Variants in NALF1 observed in about 807,000 individuals in gnomAD.
NALF1 encodes family with sequence similarity 155 member A.
A neutral mutation model predicts 48.4 loss-of-function variants in NALF1; 3 were observed. That is an observed-to-expected ratio of 0.06 (90% CI 0.03 to 0.16). The LOEUF is 0.16. Among genes scored for constraint, NALF1 ranks in the 10% least tolerant of loss-of-function variants. NALF1 has a pLI of 1.00. For missense variants in NALF1, 526 were observed against 571.5 expected (o/e 0.92, Z 0.81); for synonymous variants, 262 against 245.7 (o/e 1.07, Z -0.62).
intron 1 of NALF1, among the ~76,000 whole-genome samples, chr13:107,544,933 C>T (rs1407758953): frequency 6.6e-6 from 1 of 152,176 alleles, no homozygotes; most frequent in African/African-American, 2.4e-5. Flanking sequence ...AGGCTCATGA[C>T]TGTGCGACAA....
At chr13:107,862,491 A>G (rs1214394870) in intron 1 of NALF1, among the ~76,000 whole-genome samples, 1 of 152,134 alleles carries the variant, frequency 6.6e-6, no homozygotes, top group Non-Finnish European at 1.5e-5. Context: ...TGTAGTATTT[A>G]CTACTCAATT....
intron 1 of NALF1, among the ~76,000 whole-genome samples, chr13:107,264,035 A>G (rs200623204): frequency 6.6e-6 from 1 of 152,220 alleles, no homozygotes; most frequent in East Asian, 1.9e-4. Context: ...TACATCTGGT[A>G]GATTCAGATA....
intron 1 of NALF1, among the ~76,000 whole-genome samples, chr13:107,352,707 A>G (rs1242316351): frequency 6.6e-6 from 1 of 152,188 alleles, no homozygotes; most frequent in Non-Finnish European, 1.5e-5. Flanking sequence ...TTGGAAAGCA[A>G]TACCTCAAAC....
At chr13:107,410,467 T>C (rs1338715920) in intron 1 of NALF1, among the ~76,000 whole-genome samples, 1 of 152,198 alleles carries the variant, frequency 6.6e-6, no homozygotes, top group African/African-American at 2.4e-5. Flanking sequence ...AACATTCCTA[T>C]GTGGTTATTT....
chr13:107,265,557 T>C (rs1881021997), intron 1 of NALF1, among the ~76,000 whole-genome samples: 1 of 151,978 alleles, frequency 6.6e-6, no homozygotes, highest in Non-Finnish European at 1.5e-5. Flanking sequence ...CAGGCATGCA[T>C]CACCACACTT....
Position 107,865,970 on chromosome 13 carries a change from G to C in NALF1, c.627C>G (p.Ser209Arg), listed in dbSNP as rs927072956. ...AGTTCCAGAGCGGAGTGGGATGCTT[G>C]CTCCTCACCTCCTGCCCGTCCCCCC... is the stretch of plus-strand genomic sequence containing the variant. ...AAGGDGQEVRSKHPTPLWNLS... is the reference protein window; with the variant it reads ...AAGGDGQEVRRKHPTPLWNLS... The change falls in exon 1 of 3, where the codon AGC becomes AGG. Residue 209 changes from serine (S) to arginine (R), a missense_variant. By Grantham distance (110) the Ser-to-Arg change is moderately radical. This residue lies in a region of NALF1 where 373 missense variants were observed against 355.5 expected (regional missense o/e 1.05). Coordinates refer to ENST00000375915, the MANE Select transcript of NALF1 (RefSeq NM_001080396.3). 6.2e-7 allele frequency: 1 copy of C among 1,613,126 alleles called. No homozygotes were observed. The highest frequency in any genetic ancestry group is 8.5e-7 in the Non-Finnish European group (1 of 1,179,842).
intron 1 of NALF1, among the ~76,000 whole-genome samples, chr13:107,367,076 AC>A (rs1883164549): frequency 6.6e-6 from 1 of 152,216 alleles, no homozygotes; most frequent in Non-Finnish European, 1.5e-5. Context: ...AAGGATGAAA[AC>A]AAAAGGGCAA....
chr13:107,817,027 A>T (rs1319194343), intron 1 of NALF1, among the ~76,000 whole-genome samples: 2 of 152,208 alleles, frequency 1.3e-5, no homozygotes, highest in African/African-American at 4.8e-5. Flanking sequence ...TCAGAACTTA[A>T]CCATACTTGG....
intron 1 of NALF1, among the ~76,000 whole-genome samples, chr13:107,457,082 T>C (rs1431990550): frequency 6.6e-6 from 1 of 152,174 alleles, no homozygotes; most frequent in Non-Finnish European, 1.5e-5. Flanking sequence ...AAGGTTTAGA[T>C]AAAATCATTG....
At chr13:107,234,993 T>C (rs1242849148) in intron 1 of NALF1, among the ~76,000 whole-genome samples, 1 of 152,152 alleles carries the variant, frequency 6.6e-6, no homozygotes, top group African/African-American at 2.4e-5. Flanking sequence ...AGCTTAATGA[T>C]TCTCATCTCA....
At chr13:107,642,669 G>A (rs1277291166) in intron 1 of NALF1, among the ~76,000 whole-genome samples, 2 of 152,020 alleles carry the variant, frequency 1.3e-5, no homozygotes, top group Non-Finnish European at 2.9e-5. Context: ...CATCACAGAG[G>A]GATACATACA....
intron 1 of NALF1, among the ~76,000 whole-genome samples, chr13:107,711,556 T>A (rs1875592935): frequency 6.6e-6 from 1 of 152,136 alleles, no homozygotes; most frequent in African/African-American, 2.4e-5. Flanking sequence ...GGCTGGTCTT[T>A]ATAGTGTTCT....
In NALF1 at chr13:107,650,394, T is replaced by TAAAAAA. The variant is rs11330259; in HGVS notation, c.915+215282_915+215287dup. On this transcript the variant is annotated intron_variant, in intron 1 of 2. Coordinates refer to ENST00000375915, the MANE Select transcript of NALF1 (RefSeq NM_001080396.3). ...TTTGAACGGTAATCTCTGCAACCAT[T>TAAAAAA]AAAAAAAAAAAAAAGGAACAAATTA... Among the ~76,000 whole-genome samples, 74 of 107,668 alleles carry TAAAAAA rather than the reference T, an allele frequency of 6.9e-4. 1 individual carries two copies. Among genetic ancestry groups the TAAAAAA allele is most frequent in the South Asian group, 7.3e-4 (2 of 2,756 alleles). 70.6% of individuals were successfully genotyped at this position (107,668 alleles called of 152,430 possible). A position where few individuals can be genotyped will look rare whatever the true frequency, so the allele number is the denominator to read the frequency against.
chr13:107,444,811 C>A (rs1449376983), intron 1 of NALF1, among the ~76,000 whole-genome samples: 1 of 152,150 alleles, frequency 6.6e-6, no homozygotes, highest in African/African-American at 2.4e-5. Context: ...TGGATTTCCA[C>A]ATACATATAA....
At chr13:107,564,784 T>C (rs1877746110) in intron 1 of NALF1, among the ~76,000 whole-genome samples, 1 of 152,050 alleles carries the variant, frequency 6.6e-6, no homozygotes, top group Admixed American at 6.5e-5. Flanking sequence ...GGGCTTCTCT[T>C]TGGGTCACTT....
intron 1 of NALF1, among the ~76,000 whole-genome samples, chr13:107,361,627 G>A (rs1883062100): frequency 6.6e-6 from 1 of 152,228 alleles, no homozygotes; most frequent in African/African-American, 2.4e-5. Flanking sequence ...AGATGGTGCA[G>A]CAGAGCCGGT....
chr13:107,393,954 TA>T (rs1883668735), intron 1 of NALF1, among the ~76,000 whole-genome samples: 1 of 152,054 alleles, frequency 6.6e-6, no homozygotes, highest in Admixed American at 6.6e-5. Context: ...GCTAAAACAA[TA>T]AAAAGTAAAT....
chr13:107,299,468 T>TAATAATAATAATAATA (rs1330450182), intron 1 of NALF1, among the ~76,000 whole-genome samples: 31 of 59,220 alleles, frequency 5.2e-4, no homozygotes, highest in South Asian at 1.1e-3. Flanking sequence ...ATAATAATAA[T>TAATAATAATAATAATA]AATAAATAAA....
At chr13:107,172,311 T>C (rs1019043730) in intron 2 of NALF1, among the ~76,000 whole-genome samples, 11 of 152,262 alleles carry the variant, frequency 7.2e-5, no homozygotes, top group Non-Finnish European at 1.0e-4. Flanking sequence ...TTCAATTTTC[T>C]TACTTATCTG....
Sources: allele counts gnomAD v4.1 joint callset (sites outside exome capture counted in the v4.1 genomes callset), GRCh38; gene constraint gnomAD v4.1.1; regional missense constraint gnomAD v4.1.1; transcripts MANE v1.5; gene names NCBI Gene and HGNC (gene_info 2026-07-23, HGNC 2026-07-21).